Variants in KCNK1 observed in about 807,000 individuals in gnomAD.
KCNK1 encodes the protein potassium channel subfamily K member 1.
KCNK1 carries 10 observed loss-of-function variants against 22.2 expected under a neutral mutation model. The ratio of observed to expected loss-of-function variants is 0.45; its 90% CI spans 0.28 to 0.76. KCNK1 has a LOEUF of 0.76. KCNK1 is among the 30% of genes least tolerant of loss of function. The pLI is 0.14. For synonymous variants in KCNK1, 200 were observed against 186.4 expected, an observed-to-expected ratio of 1.07 and a Z score of -0.60; for missense variants, 378 against 421.0, an observed-to-expected ratio of 0.90 and a Z score of 0.89.
chr1:233,660,436 T>C (rs1658370696), intron 1 of KCNK1: 1 of 152,228 alleles, frequency 6.6e-6, no homozygotes, highest in African/African-American at 2.4e-5. Context: ...AGATCACCAC[T>C]AATTTGTTAT....
chr1:233,625,322 C>T (rs1434236198), intron 1 of KCNK1, among the ~76,000 whole-genome samples: 1 of 152,162 alleles, frequency 6.6e-6, no homozygotes, highest in South Asian at 2.1e-4. Context: ...ATTCTTATGA[C>T]CTACAGTCAA....
At chr1:233,664,310 T>A (rs1233378276) in intron 1 of KCNK1, among the ~76,000 whole-genome samples, 1 of 152,046 alleles carries the variant, frequency 6.6e-6, no homozygotes, top group Non-Finnish European at 1.5e-5. Context: ...CTTCACATAT[T>A]TTTTTTTCTC....
intron 1 of KCNK1, among the ~76,000 whole-genome samples, chr1:233,620,951 A>G (rs547864768): frequency 1.3e-5 from 2 of 152,350 alleles, no homozygotes; most frequent in Admixed American, 1.3e-4. Context: ...AGATATAGGT[A>G]TCATTGTCTT....
intron 1 of KCNK1, among the ~76,000 whole-genome samples, chr1:233,655,167 C>A (rs1658268151): frequency 6.6e-6 from 1 of 152,226 alleles, no homozygotes; most frequent in African/African-American, 2.4e-5. Context: ...ATTCTCCAGA[C>A]AAAATTTTGG....
chr1:233,661,791 A>G (rs1360322339), intron 1 of KCNK1: 2 of 152,266 alleles, frequency 1.3e-5, no homozygotes, highest in Non-Finnish European at 2.9e-5. Flanking sequence ...GGAATTATGA[A>G]GACATGTTGT....
chr1:233,639,618 A>G (rs1657969183), intron 1 of KCNK1, among the ~76,000 whole-genome samples: 1 of 152,240 alleles, frequency 6.6e-6, no homozygotes, highest in Non-Finnish European at 1.5e-5. Context: ...TGTGTCAAAT[A>G]CTTGATTCTC....
chr1:233,671,410 C>A lies in KCNK1; in HGVS notation c.891C>A (p.Asp297Glu). ...DEDQVHIIEH[D>E]QLSFSSITDQ... is the part of the protein sequence containing the mutation. ...ATCAGGTGCACATCATAGAGCATGA[C>A]CAACTGTCCTTCTCCTCGATCACAG... Residue 297 changes from aspartate to glutamate, a missense_variant, in exon 3 of 3, where the codon GAC becomes GAA. Coordinates refer to ENST00000366621, the MANE Select transcript of KCNK1 (RefSeq NM_002245.4). 1.2e-6 allele frequency: 2 copies of A among 1,614,146 alleles called. No homozygotes were observed. The highest frequency in any genetic ancestry group is 1.1e-5 in the South Asian group (1 of 91,076).
chr1:233,654,106 G>C (rs521777), intron 1 of KCNK1, among the ~76,000 whole-genome samples: 1 of 151,820 alleles, frequency 6.6e-6, no homozygotes, highest in Non-Finnish European at 1.5e-5. Context: ...TGAACAGAAC[G>C]TTGGCAGAAA....
chr1:233,638,074 G>GT (rs1657934511), intron 1 of KCNK1, among the ~76,000 whole-genome samples: 2 of 151,684 alleles, frequency 1.3e-5, no homozygotes, highest in African/African-American at 4.8e-5. Flanking sequence ...TCCAAAGGGG[G>GT]CATTGATTAT....
In KCNK1 at chr1:233,667,033, T is replaced by TTTA. The variant is rs1558120850; in HGVS notation, c.751+45_751+46insATT. On this transcript the variant is annotated intron_variant, in intron 2 of 2. Coordinates refer to ENST00000366621, the MANE Select transcript of KCNK1 (RefSeq NM_002245.4). ...CTGGCTGCTCCTTCTGTCTCCTTTA[T>TTTA]TTTATTTATTTATTTATTTATTTAT... is the stretch of plus-strand genomic sequence containing the variant. The TTTA allele has an allele frequency of 7.6e-6, 10 of 1,323,022 alleles. No individual in the cohort carries two copies. The African/African-American group carries it at 9.3e-5, about 12-fold the overall frequency. 82.0% of individuals were successfully genotyped at this position (1,323,022 alleles called of 1,614,324 possible). A position where few individuals can be genotyped will look rare whatever the true frequency, so the allele number is the denominator to read the frequency against.
chr1:233,651,263 A>G (rs1030861278), intron 1 of KCNK1, among the ~76,000 whole-genome samples: 1 of 152,194 alleles, frequency 6.6e-6, no homozygotes, highest in Non-Finnish European at 1.5e-5. Context: ...CCCAGGGAAA[A>G]ATGCCTACAG....
intron 2 of KCNK1, among the ~76,000 whole-genome samples, chr1:233,670,737 G>A (rs570849103): frequency 4.2e-4 from 64 of 152,230 alleles, no homozygotes; most frequent in African/African-American, 1.3e-3. Context: ...ATGAGATTTG[G>A]GTGGGGACAC....
Position 233,666,637 on chromosome 1 carries a change from T to A in KCNK1, c.398T>A (p.Phe133Tyr). The part of the protein sequence containing the change: ...TVPLSDGGKA[F>Y]CIIYSVIGIP... ...CCCTTGTCAGATGGAGGTAAGGCCT[T>A]CTGCATCATCTACTCCGTCATTGGC... Residue 133 changes from phenylalanine (F) to tyrosine (Y), a missense_variant, in exon 2 of 3, where the codon TTC becomes TAC. Coordinates refer to ENST00000366621, the MANE Select transcript of KCNK1 (RefSeq NM_002245.4). The A allele has an allele frequency of 6.2e-7, 1 of 1,613,866 alleles. No individual in the cohort carries two copies. The highest frequency in any genetic ancestry group is 8.5e-7 in the Non-Finnish European group (1 of 1,179,868).
At chr1:233,658,916 G>C (rs1311881315) in intron 1 of KCNK1, among the ~76,000 whole-genome samples, 2 of 152,162 alleles carry the variant, frequency 1.3e-5, no homozygotes, top group African/African-American at 4.8e-5. Flanking sequence ...GATGGCCTCG[G>C]AGATTACTGT....
intron 1 of KCNK1, among the ~76,000 whole-genome samples, chr1:233,651,323 CAG>C (rs901734389): frequency 6.6e-6 from 1 of 152,254 alleles, no homozygotes; most frequent in African/African-American, 2.4e-5. Context: ...AAAGGCTTTA[CAG>C]TATAATAACT....
intron 1 of KCNK1, among the ~76,000 whole-genome samples, chr1:233,643,894 C>G (rs868549120): frequency 6.6e-6 from 1 of 152,118 alleles, no homozygotes; most frequent in South Asian, 2.1e-4. Flanking sequence ...ACAAAAATTA[C>G]CCGGGGTCCC....
At chr1:233,615,039 G>A (rs1657462889) in intron 1 of KCNK1, among the ~76,000 whole-genome samples, 1 of 152,218 alleles carries the variant, frequency 6.6e-6, no homozygotes, top group African/African-American at 2.4e-5. Flanking sequence ...GTCACCTTCC[G>A]GAGTGTGCCG....
In KCNK1 at chr1:233,671,667, T is replaced by C; in HGVS notation, c.*137T>C. 9.9e-7 allele frequency: 1 copy of C among 1,011,314 alleles called. No homozygotes were observed. Among genetic ancestry groups the C allele is most frequent in the Non-Finnish European group, 1.4e-6 (1 of 700,524 alleles). 62.6% of individuals were successfully genotyped at this position (1,011,314 alleles called of 1,614,324 possible). The stretch of plus-strand genomic sequence containing the variant: ...AATAGCTACTGTTTGCAATGTCTTA[T>C]TAAAAAACAACAAAAAAAGACAAAT... On this transcript the variant is annotated 3_prime_UTR_variant, in exon 3 of 3. Transcript: ENST00000366621.
intron 1 of KCNK1, among the ~76,000 whole-genome samples, chr1:233,618,490 C>T (rs1657524430): frequency 6.6e-6 from 1 of 151,810 alleles, no homozygotes; most frequent in Non-Finnish European, 1.5e-5. Context: ...TGGACAGTGT[C>T]GTTCATTCTT....
Sources: gnomAD v4.1 joint callset for allele counts (sites outside exome capture counted in the v4.1 genomes callset) on GRCh38, gnomAD v4.1.1 for gene constraint, MANE v1.5 for transcripts, NCBI Gene and HGNC (gene_info 2026-07-23, HGNC 2026-07-21) for gene names.